CAPN2: variants seen among roughly 807,000 people sequenced by gnomAD.
The protein encoded by CAPN2 is calpain 2, also known as calpain-2 catalytic subunit.
A neutral mutation model predicts 102.3 loss-of-function variants in CAPN2; 92 were observed. The ratio of observed to expected loss-of-function variants is 0.90; its 90% CI spans 0.76 to 1.07. The LOEUF is 1.07. Among genes scored for constraint, CAPN2 ranks in the 50% least tolerant of loss-of-function variants. CAPN2 has a pLI of 0.00. For missense variants in CAPN2, 800 were observed against 909.4 expected (o/e 0.88, Z 1.55); for synonymous variants, 340 against 355.4 (o/e 0.96, Z 0.49).
At chr1:223,770,035 A>G in intron 17 of CAPN2, 126 bp downstream of exon 17, 2 of 849,432 alleles carry the variant, frequency 2.4e-6, no homozygotes, top group Non-Finnish European at 3.8e-6. Context: ...ACCCATAATG[A>G]AGCTCAGAGT....
chr1:223,728,076 G>C (rs182017920), intron 2 of CAPN2, among the ~76,000 whole-genome samples: 1 of 151,754 alleles, frequency 6.6e-6, no homozygotes, highest in Non-Finnish European at 1.5e-5. Context: ...CCTGGTATGC[G>C]TTACAGTTCA....
At chr1:223,749,889 C>T (rs1427844012) in intron 6 of CAPN2, among the ~76,000 whole-genome samples, 3 of 151,948 alleles carry the variant, frequency 2.0e-5, no homozygotes, top group South Asian at 2.1e-4. Flanking sequence ...ATGCCACTGT[C>T]GTCCCAGCTA....
At chr1:223,751,018 T>G in intron 7 of CAPN2, 43 bp downstream of exon 7, 1 of 1,454,528 alleles carries the variant, frequency 6.9e-7, no homozygotes, top group South Asian at 1.2e-5. Flanking sequence ...GGGGGTGCAT[T>G]GTGCTGGGAG....
intron 1 of CAPN2, among the ~76,000 whole-genome samples, chr1:223,716,759 G>A (rs569466091): frequency 8.6e-5 from 13 of 152,000 alleles, no homozygotes; most frequent in African/African-American, 3.1e-4. Context: ...CTTTTGGGTG[G>A]GGCTCTTCAG....
chr1:223,720,315 C>CTCTCTTTT (rs564518898), intron 2 of CAPN2, among the ~76,000 whole-genome samples: 8 of 107,468 alleles, frequency 7.4e-5, no homozygotes, highest in East Asian at 2.7e-4. Context: ...CTCTTTCTCT[C>CTCTCTTTT]TTTTTTTTTT....
At chr1:223,742,896 T>C (rs186553740) in intron 2 of CAPN2, among the ~76,000 whole-genome samples, 2 of 152,322 alleles carry the variant, frequency 1.3e-5, no homozygotes, top group Admixed American at 6.5e-5. Flanking sequence ...TTGAGGCTAC[T>C]TCCCATTATT....
At chr1:223,735,606 T>C (rs1426801563) in intron 2 of CAPN2, among the ~76,000 whole-genome samples, 1 of 151,982 alleles carries the variant, frequency 6.6e-6, no homozygotes, top group Non-Finnish European at 1.5e-5. Context: ...TCCAGCCTCT[T>C]AGATCTATCT....
intron 2 of CAPN2, among the ~76,000 whole-genome samples, chr1:223,718,933 A>G (rs1388169463): frequency 2.6e-5 from 4 of 152,194 alleles, no homozygotes; most frequent in Non-Finnish European, 5.9e-5. Context: ...TAGACTCCCT[A>G]AGACGGGACC....
rs1000787136 is a variant in CAPN2, at chr1:223,754,332, C to T, written c.1136-1148C>T. Among the ~76,000 whole-genome samples, 2 of 152,352 alleles carry T rather than the reference C, an allele frequency of 1.3e-5. No individual in the cohort carries two copies. The highest frequency in any genetic ancestry group is 2.1e-4 in the South Asian group (1 of 4,826). Reference sequence around the variant, plus strand: ...CAGTCCCAGAGGCGCTGGGAAGGCCCTCTGCCCCCCACAAGGGACCCCTCC... The same window carrying T: ...CAGTCCCAGAGGCGCTGGGAAGGCCTTCTGCCCCCCACAAGGGACCCCTCC... On this transcript the variant is annotated intron_variant, in intron 9 of 20. Coordinates refer to ENST00000295006, the MANE Select transcript of CAPN2 (RefSeq NM_001748.5). The surrounding 1 kb of genome is among the most constrained non-coding windows in gnomAD (Gnocchi z 4.7).
At chr1:223,738,305 C>G (rs1336672884) in intron 2 of CAPN2, among the ~76,000 whole-genome samples, 2 of 151,986 alleles carry the variant, frequency 1.3e-5, no homozygotes, top group African/African-American at 2.4e-5. Flanking sequence ...ACGATAGAAG[C>G]ATGACACCAC....
At chr1:223,751,914 C>T in intron 7 of CAPN2, 83 bp from the exon 8 acceptor site, 1 of 865,096 alleles carries the variant, frequency 1.2e-6, no homozygotes, top group South Asian at 1.6e-5. Flanking sequence ...GAGGTGAGAG[C>T]AGATGTCCCT....
intron 5 of CAPN2, among the ~76,000 whole-genome samples, chr1:223,748,597 TCA>T (rs1491184424): frequency 6.6e-6 from 1 of 152,158 alleles, no homozygotes; most frequent in Non-Finnish European, 1.5e-5. Context: ...GAGGGTGTGC[TCA>T]GTGTCCCTGG....
chr1:223,739,770 T>C (rs1273287828), intron 2 of CAPN2, among the ~76,000 whole-genome samples: 1 of 152,238 alleles, frequency 6.6e-6, no homozygotes, highest in African/African-American at 2.4e-5. Context: ...CCCATCCATA[T>C]GGCAACATTC....
chr1:223,714,476 T>C (rs778044198), intron 1 of CAPN2, among the ~76,000 whole-genome samples: 44 of 152,094 alleles, frequency 2.9e-4, no homozygotes, highest in Admixed American at 7.9e-4. Flanking sequence ...AATGAAATTA[T>C]GGTTGTGAAA....
intron 2 of CAPN2, among the ~76,000 whole-genome samples, chr1:223,742,353 T>C (rs1410643585): frequency 6.6e-6 from 1 of 151,674 alleles, no homozygotes; most frequent in Non-Finnish European, 1.5e-5. Flanking sequence ...GATGACACCA[T>C]TGCACTCCAG....
intron 6 of CAPN2, 94 bp from the exon 7 acceptor site, chr1:223,750,796 T>C: frequency 8.6e-7 from 1 of 1,165,016 alleles, no homozygotes; most frequent in Non-Finnish European, 1.3e-6. Flanking sequence ...GCCCCATACC[T>C]CCTGGCTCAT....
At chr1:223,750,747 TA>T in intron 6 of CAPN2, 142 bp from the exon 7 acceptor site, 1 of 708,672 alleles carries the variant, frequency 1.4e-6, no homozygotes. Context: ...TCCTCCCTCA[TA>T]CATGGACTCA....
chr1:223,736,203 A>G (rs1208046221), intron 2 of CAPN2, among the ~76,000 whole-genome samples: 2 of 152,170 alleles, frequency 1.3e-5, no homozygotes, highest in East Asian at 1.9e-4. Context: ...CAACGTAGAA[A>G]GGGCAGCACA....
rs767231075 is a variant in CAPN2 at position 223,769,831 on chromosome 1, C to A, written c.1756-10C>A. On this transcript the variant is annotated splice_polypyrimidine_tract_variant and intron_variant, in intron 16 of 20. Transcript: ENST00000295006. ...ACCCACACTCAAGGGCTTTCCTTGA[C>A]TGAAGGCAGTCGGACGGGAGTGGCA... 25 of 1,604,254 alleles carry A rather than the reference C, an allele frequency of 1.6e-5. No individual in the cohort carries two copies. The highest frequency in any genetic ancestry group is 1.0e-4 in the Admixed American group (6 of 59,118).
Sources: allele counts gnomAD v4.1 joint callset (sites outside exome capture counted in the v4.1 genomes callset), GRCh38; gene constraint gnomAD v4.1.1; non-coding constraint Gnocchi (gnomAD v3.1); transcripts MANE v1.5; gene names NCBI Gene and HGNC (gene_info 2026-07-23, HGNC 2026-07-21).